The following MAGI2 variants were observed in gnomAD, a reference collection of about 807,000 sequenced individuals.
MAGI2 encodes membrane-associated guanylate kinase, WW and PDZ domain-containing protein 2.
Under a neutral mutation model 133.3 loss-of-function variants are expected in MAGI2, and 35 were observed. The ratio of observed to expected loss-of-function variants is 0.26; its 90% CI spans 0.20 to 0.35. The LOEUF (loss-of-function observed/expected upper bound fraction) is 0.35, where lower values mean the gene tolerates loss of function less well. MAGI2 is among the 10% of genes least tolerant of loss of function. The pLI, the probability that MAGI2 is intolerant of heterozygous loss-of-function variation, is 1.00. For synonymous variants in MAGI2, 729 were observed against 710.6 expected (o/e 1.03, Z -0.41); for missense variants, 1,636 against 1,863.4 (o/e 0.88, Z 2.25).
At chr7:79,019,688 G>A (rs776373090) in intron 1 of MAGI2, among the ~76,000 whole-genome samples, 10 of 152,030 alleles carry the variant, frequency 6.6e-5, no homozygotes, top group Non-Finnish European at 1.2e-4. Flanking sequence ...GGGACTACAG[G>A]TGTGAACTAC....
chr7:78,478,339 C>G (rs1791997354), intron 6 of MAGI2, among the ~76,000 whole-genome samples: 1 of 151,850 alleles, frequency 6.6e-6, no homozygotes, highest in Non-Finnish European at 1.5e-5. Context: ...CTTAATGTCT[C>G]TAGTTTAAGC....
intron 10 of MAGI2, among the ~76,000 whole-genome samples, chr7:78,210,308 G>A (rs1261059885): frequency 6.6e-6 from 1 of 152,098 alleles, no homozygotes; most frequent in Non-Finnish European, 1.5e-5. Context: ...TGAAGGGTGA[G>A]GAATGTAGGA....
chr7:78,397,902 T>C (rs1354605818), intron 6 of MAGI2, among the ~76,000 whole-genome samples: 1 of 152,172 alleles, frequency 6.6e-6, no homozygotes, highest in Non-Finnish European at 1.5e-5. Context: ...CTCTTTTATT[T>C]CTAATTTATA....
At chr7:78,551,893 C>T (rs1000207744) in intron 3 of MAGI2, among the ~76,000 whole-genome samples, 10 of 152,060 alleles carry the variant, frequency 6.6e-5, no homozygotes, top group South Asian at 2.1e-4. Context: ...TACAGGAATG[C>T]GCCACCACGC....
chr7:78,084,684 G>T (rs553519022), intron 20 of MAGI2, among the ~76,000 whole-genome samples: 191 of 152,324 alleles, frequency 1.3e-3, no homozygotes, highest in African/African-American at 4.4e-3. Flanking sequence ...GAGGAATGGA[G>T]GCTGAGTCTG....
intron 1 of MAGI2, among the ~76,000 whole-genome samples, chr7:79,264,359 T>G (rs1834294347): frequency 6.6e-6 from 1 of 152,126 alleles, no homozygotes; most frequent in African/African-American, 2.4e-5. Flanking sequence ...AATGTAGGGG[T>G]TTTTTGGTAG....
chr7:78,185,608 T>C, intron 13 of MAGI2, 21 bp downstream of exon 13: 1 of 1,554,586 alleles, frequency 6.4e-7, no homozygotes. Context: ...CACAGAACTG[T>C]GAGTACTGAA....
At chr7:78,052,728 A>G (rs2151112598) in intron 21 of MAGI2, among the ~76,000 whole-genome samples, 1 of 152,346 alleles carries the variant, frequency 6.6e-6, no homozygotes, top group Non-Finnish European at 1.5e-5. Context: ...CTGGTTATAT[A>G]TGACAACCAG....
At chr7:79,215,153 T>G (rs1191932575) in intron 1 of MAGI2, among the ~76,000 whole-genome samples, 1 of 151,640 alleles carries the variant, frequency 6.6e-6, no homozygotes, top group Non-Finnish European at 1.5e-5. Context: ...CCTTTGGAAT[T>G]CAGGAACAAC....
intron 1 of MAGI2, among the ~76,000 whole-genome samples, chr7:79,409,799 T>C (rs1486948659): frequency 6.6e-6 from 1 of 152,130 alleles, no homozygotes; most frequent in Non-Finnish European, 1.5e-5. Flanking sequence ...TTACTAGCAT[T>C]ATCACTTGCC....
chr7:78,806,070 C>T (rs1003932024), intron 2 of MAGI2, among the ~76,000 whole-genome samples: 22 of 152,148 alleles, frequency 1.4e-4, no homozygotes, highest in African/African-American at 5.3e-4. Flanking sequence ...TAAATAGGAA[C>T]ACACAAGTAA....
intron 1 of MAGI2, among the ~76,000 whole-genome samples, chr7:79,161,743 G>A (rs1195292104): frequency 6.6e-6 from 1 of 152,006 alleles, no homozygotes; most frequent in Non-Finnish European, 1.5e-5. Flanking sequence ...AGTTATTTGG[G>A]TGAAGTATGT....
intron 3 of MAGI2, among the ~76,000 whole-genome samples, chr7:78,544,637 A>G (rs1003134366): frequency 6.6e-5 from 10 of 152,298 alleles, no homozygotes; most frequent in African/African-American, 2.4e-4. Flanking sequence ...ACCTCGAAAC[A>G]TGTTGGAATT....
chr7:78,959,063 T>C (rs745601825), intron 2 of MAGI2, among the ~76,000 whole-genome samples: 1 of 152,168 alleles, frequency 6.6e-6, no homozygotes, highest in African/African-American at 2.4e-5. Context: ...CCTTGTAAGA[T>C]CTTTTCAATA....
chr7:78,699,353 G>A (rs529360337), intron 2 of MAGI2, among the ~76,000 whole-genome samples: 7 of 152,140 alleles, frequency 4.6e-5, no homozygotes, highest in South Asian at 4.2e-4. Flanking sequence ...CTCCTGCCTC[G>A]GCCTCCCAAA....
intron 6 of MAGI2, among the ~76,000 whole-genome samples, chr7:78,449,191 C>A (rs1788464478): frequency 6.6e-6 from 1 of 151,862 alleles, no homozygotes; most frequent in Non-Finnish European, 1.5e-5. Flanking sequence ...TGTGTAGGCC[C>A]CTGAGCACCA....
At chr7:78,801,660 T>C (rs1227445696) in intron 2 of MAGI2, among the ~76,000 whole-genome samples, 1 of 152,124 alleles carries the variant, frequency 6.6e-6, no homozygotes, top group Non-Finnish European at 1.5e-5. Context: ...AATTGTAAAA[T>C]TAGTTTGCCT....
intron 2 of MAGI2, among the ~76,000 whole-genome samples, chr7:78,763,369 ATACTAC>A (rs2151304123): frequency 6.6e-6 from 1 of 152,298 alleles, no homozygotes; most frequent in South Asian, 2.1e-4. Context: ...AGATTTTCAT[ATACTAC>A]TAGCCAATCC....
intron 6 of MAGI2, among the ~76,000 whole-genome samples, chr7:78,464,050 T>C (rs1790357869): frequency 6.6e-6 from 1 of 152,144 alleles, no homozygotes; most frequent in Non-Finnish European, 1.5e-5. Flanking sequence ...AAATTGCTTA[T>C]TGCAGTATCT....
Sources: gnomAD v4.1 joint callset for allele counts (sites outside exome capture counted in the v4.1 genomes callset) on GRCh38, gnomAD v4.1.1 for gene constraint, MANE v1.5 for transcripts, NCBI Gene and HGNC (gene_info 2026-07-23, HGNC 2026-07-21) for gene names.